GFRAL: variants seen among roughly 807,000 people sequenced by gnomAD.
GFRAL encodes GDNF family receptor alpha like.
Under a neutral mutation model 45.4 loss-of-function variants are expected in GFRAL, and 36 were observed. That is an observed-to-expected ratio of 0.79 (90% CI 0.61 to 1.05). The LOEUF (loss-of-function observed/expected upper bound fraction) is 1.05, where lower values mean the gene tolerates loss of function less well. Among genes scored for constraint, GFRAL ranks in the 50% least tolerant of loss-of-function variants. GFRAL has a pLI of 0.00. For synonymous variants in GFRAL, 166 were observed against 154.1 expected (o/e 1.08, Z -0.57); for missense variants, 507 against 467.5 (o/e 1.08, Z -0.78).
intron 6 of GFRAL, among the ~76,000 whole-genome samples, chr6:55,393,359 A>G (rs1455505564): frequency 6.6e-6 from 1 of 152,204 alleles, no homozygotes; most frequent in Non-Finnish European, 1.5e-5. Context: ...TGCCTAACCC[A>G]TAAAAGTATT....
At chr6:55,332,059 C>A (rs1767837672) in intron 2 of GFRAL, among the ~76,000 whole-genome samples, 1 of 152,072 alleles carries the variant, frequency 6.6e-6, no homozygotes, top group African/African-American at 2.4e-5. Context: ...TTACTGAGGG[C>A]AGCATTATTC....
intron 3 of GFRAL, among the ~76,000 whole-genome samples, chr6:55,344,264 A>T (rs1335578156): frequency 6.6e-6 from 1 of 152,242 alleles, no homozygotes; most frequent in Non-Finnish European, 1.5e-5. Context: ...AATATCCCTG[A>T]TGAACATTGA....
At chr6:55,397,355 A>G (rs1341275082) in intron 6 of GFRAL, among the ~76,000 whole-genome samples, 1 of 145,982 alleles carries the variant, frequency 6.9e-6, no homozygotes, top group Non-Finnish European at 1.5e-5. Flanking sequence ...CGTCTCTACT[A>G]AAAATACAAA....
rs12182933 is a variant in GFRAL, at chr6:55,401,925, C to T, written c.*72C>T. On this transcript the variant is annotated 3_prime_UTR_variant, in exon 9 of 9. Transcript: ENST00000340465. ...TTCTTCTTTCCTCTTTTCTTCTCTC[C>T]TCTCCTCTCCTCTCTTCTCCTCTCC... The T allele has an allele frequency of 2.5e-6, 2 of 791,716 alleles. No individual in the cohort carries two copies. Among genetic ancestry groups the T allele is most frequent in the Non-Finnish European group, 4.4e-6 (2 of 459,500 alleles). 49.0% of individuals were successfully genotyped at this position (791,716 alleles called of 1,614,324 possible).
chr6:55,336,406 C>T (rs866143683), intron 3 of GFRAL, among the ~76,000 whole-genome samples: 1 of 152,180 alleles, frequency 6.6e-6, no homozygotes, highest in South Asian at 2.1e-4. Flanking sequence ...TTTATAACTT[C>T]ATTGATGTAG....
chr6:55,340,968 G>T (rs1315035291), intron 3 of GFRAL, among the ~76,000 whole-genome samples: 1 of 152,204 alleles, frequency 6.6e-6, no homozygotes, highest in Non-Finnish European at 1.5e-5. Flanking sequence ...CAGCAGCGAG[G>T]CTGAGGGAGG....
At chr6:55,342,450 A>G (rs1284438361) in intron 3 of GFRAL, among the ~76,000 whole-genome samples, 1 of 152,062 alleles carries the variant, frequency 6.6e-6, no homozygotes, top group African/African-American at 2.4e-5. Flanking sequence ...GGAGAAATAA[A>G]ATACTTTACA....
intron 3 of GFRAL, among the ~76,000 whole-genome samples, chr6:55,346,439 A>G (rs145393804): frequency 0.013 from 1,989 of 152,136 alleles, 23 homozygotes; most frequent in Non-Finnish European, 0.022. Flanking sequence ...ACTATCCCAA[A>G]GACAAAAAAA....
At chr6:55,340,449 C>A (rs883572) in intron 3 of GFRAL, among the ~76,000 whole-genome samples, 140,483 of 152,258 alleles carry the variant, frequency 0.92, 65,582 homozygotes, top group Non-Finnish European at 1. Flanking sequence ...TGAGCATCTC[C>A]ATGATGTATC....
intron 6 of GFRAL, among the ~76,000 whole-genome samples, chr6:55,364,205 T>C (rs1256938411): frequency 4.6e-5 from 7 of 151,380 alleles, no homozygotes; most frequent in African/African-American, 1.7e-4. Flanking sequence ...TGAGCATTTT[T>C]TCATGTGTTT....
At chr6:55,390,444 A>G (rs1442855403) in intron 6 of GFRAL, among the ~76,000 whole-genome samples, 1 of 152,238 alleles carries the variant, frequency 6.6e-6, no homozygotes, top group Non-Finnish European at 1.5e-5. Context: ...GGAACATGCC[A>G]TTTTTATGGA....
chr6:55,334,323 A>C (rs1389692966), intron 3 of GFRAL, among the ~76,000 whole-genome samples: 1 of 152,216 alleles, frequency 6.6e-6, no homozygotes, highest in Non-Finnish European at 1.5e-5. Context: ...TAGAAGGCAA[A>C]TAAGATATTA....
intron 6 of GFRAL, among the ~76,000 whole-genome samples, chr6:55,397,493 C>T (rs910819831): frequency 4.2e-5 from 5 of 119,350 alleles, no homozygotes; most frequent in African/African-American, 1.6e-4. Context: ...AGTCCGCAGT[C>T]CGGCCTGGGC....
At chr6:55,333,705 T>C in intron 2 of GFRAL, 81 bp from the exon 3 acceptor site, 1 of 786,170 alleles carries the variant, frequency 1.3e-6, no homozygotes, top group Non-Finnish European at 1.9e-6. Flanking sequence ...TTCAGGTTAA[T>C]ATGTTAAAAG....
intron 3 of GFRAL, among the ~76,000 whole-genome samples, chr6:55,339,030 A>C (rs968410762): frequency 6.6e-6 from 1 of 152,154 alleles, no homozygotes; most frequent in Admixed American, 6.5e-5. Flanking sequence ...CCATCAAAAT[A>C]ATTTAAGAGA....
At chr6:55,338,575 C>A (rs1767920771) in intron 3 of GFRAL, among the ~76,000 whole-genome samples, 1 of 152,090 alleles carries the variant, frequency 6.6e-6, no homozygotes, top group South Asian at 2.1e-4. Flanking sequence ...AATAAGGACA[C>A]ACACATACAC....
intron 2 of GFRAL, 142 bp from the exon 3 acceptor site, chr6:55,333,644 A>C (rs530397517): frequency 2.2e-6 from 1 of 459,798 alleles, no homozygotes; most frequent in African/African-American, 2.0e-5. Context: ...AATGTCACTT[A>C]TATGGATATC....
chr6:55,383,951 C>T (rs1768647012), intron 6 of GFRAL, among the ~76,000 whole-genome samples: 1 of 152,052 alleles, frequency 6.6e-6, no homozygotes, highest in South Asian at 2.1e-4. Context: ...GCATACACTA[C>T]TGTTAACTCC....
chr6:55,334,218 T>A (rs1403219581), intron 3 of GFRAL, among the ~76,000 whole-genome samples: 1 of 152,188 alleles, frequency 6.6e-6, no homozygotes, highest in Non-Finnish European at 1.5e-5. Context: ...CTAACCACAA[T>A]TCTAAGCTTC....
Sources: allele counts gnomAD v4.1 joint callset (sites outside exome capture counted in the v4.1 genomes callset), GRCh38; gene constraint gnomAD v4.1.1; transcripts MANE v1.5; gene names NCBI Gene and HGNC (gene_info 2026-07-23, HGNC 2026-07-21).